Variants in PDE9A observed in about 807,000 individuals in gnomAD.
PDE9A encodes the protein high affinity cGMP-specific 3',5'-cyclic phosphodiesterase 9A.
Under a neutral mutation model 87.4 loss-of-function variants are expected in PDE9A, and 60 were observed. The ratio of observed to expected loss-of-function variants is 0.69; its 90% CI spans 0.56 to 0.85. The LOEUF is 0.85. PDE9A is among the 40% of genes least tolerant of loss of function. The pLI is 0.00. For synonymous variants in PDE9A, 272 were observed against 279.4 expected (o/e 0.97, Z 0.27); for missense variants, 665 against 779.0 (o/e 0.85, Z 1.74).
rs747515176 is a variant in PDE9A, at chr21:42,699,025, G to C, written c.262+14G>C. The C allele has an allele frequency of 6.3e-7, 1 of 1,594,798 alleles. No homozygotes were observed. The highest frequency in any genetic ancestry group is 2.2e-5 in the East Asian group (1 of 44,780). On this transcript the variant is annotated intron_variant, in intron 4 of 19. Coordinates refer to ENST00000291539, the MANE Select transcript of PDE9A (RefSeq NM_002606.3). Reference sequence around the variant, plus strand: ...AGCAACTCTCCGGTAAGGCCCTGCTGTCGTTTTTTAAACTAAAAGAAGGAA... The same window carrying C: ...AGCAACTCTCCGGTAAGGCCCTGCTCTCGTTTTTTAAACTAAAAGAAGGAA...
Position 42,760,390 on chromosome 21 carries a change from G to A in PDE9A, c.960G>A (p.Val320=), listed in dbSNP as rs2055582438. 4.3e-6 allele frequency: 7 copies of A among 1,609,342 alleles called. No individual in the cohort carries two copies. The highest frequency in any genetic ancestry group is 5.9e-6 in the Non-Finnish European group (7 of 1,179,362). ...ACAACTTCCGGCACTGCTTCTGCGT[G>A]GCCCAGATGATGTACAGCATGGTCT... ...PFHNFRHCFC[V]AQMMYSMVWL... is the part of the protein sequence containing the mutation. Residue 320 remains valine, a synonymous_variant, in exon 12 of 20, where the codon GTG becomes GTA. Coordinates refer to ENST00000291539, the MANE Select transcript of PDE9A (RefSeq NM_002606.3). This position sits in a 1 kb window ranked among gnomAD's most constrained non-coding sequence, Gnocchi z 5.2.
intron 15 of PDE9A, 50 bp downstream of exon 15, chr21:42,765,544 A>G: frequency 1.0e-6 from 1 of 976,636 alleles, no homozygotes; most frequent in Non-Finnish European, 1.7e-6. Context: ...GGGCTGGCGA[A>G]GCAGGTCATC....
chr21:42,752,441 G>GTATT (rs765874466), intron 9 of PDE9A, among the ~76,000 whole-genome samples: 2 of 151,996 alleles, frequency 1.3e-5, no homozygotes, highest in Non-Finnish European at 2.9e-5. Context: ...GCTAATTACT[G>GTATT]TATTTTTAGT....
rs748996110 is a variant in PDE9A at position 42,770,818 on chromosome 21, G to C, written c.1686+20G>C. ...AAAGAGGTAAAACACACTGAGAAGA[G>C]CCTGCCTTCCTTGCGGCAAGCAGGC... On this transcript the variant is annotated intron_variant, in intron 18 of 19. Coordinates refer to ENST00000291539, the MANE Select transcript of PDE9A (RefSeq NM_002606.3). 7 of 1,589,328 alleles carry C rather than the reference G, an allele frequency of 4.4e-6. No individual in the cohort carries two copies. The highest frequency in any genetic ancestry group is 6.0e-6 in the Non-Finnish European group (7 of 1,157,728).
At chr21:42,755,243 G>T (rs893983910) in intron 10 of PDE9A, among the ~76,000 whole-genome samples, 1 of 152,278 alleles carries the variant, frequency 6.6e-6, no homozygotes, top group Non-Finnish European at 1.5e-5. Context: ...GCAAAGGGCA[G>T]AAAGTGGGCT....
chr21:42,687,943 C>A lies in PDE9A; in HGVS notation c.167C>A (p.Thr56Asn). 6.2e-7 allele frequency: 1 copy of A among 1,613,190 alleles called. No homozygotes were observed. The highest frequency in any genetic ancestry group is 8.5e-7 in the Non-Finnish European group (1 of 1,179,994). ...AACACGACCATCTCCCTGCTGACCACCGACGACGCCATGGTCTCCATCGAC... is the reference window on the plus strand; with the variant it reads ...AACACGACCATCTCCCTGCTGACCAACGACGACGCCATGGTCTCCATCGAC... ...PRNTTISLLT[T>N]DDAMVSIDPT... is the part of the protein sequence containing the mutation. The change falls in exon 3 of 20, where the codon ACC (threonine) becomes AAC (asparagine). Residue 56 changes from threonine to asparagine, a missense_variant. Physicochemically the swap from Thr to Asn is moderately conservative, Grantham distance 65. Transcript: ENST00000291539.
chr21:42,679,207 T>C (rs1328934464), intron 1 of PDE9A, among the ~76,000 whole-genome samples: 1 of 152,150 alleles, frequency 6.6e-6, no homozygotes, highest in African/African-American at 2.4e-5. Flanking sequence ...TGGAAGAACC[T>C]TCCGGAATGC....
chr21:42,682,829 A>T (rs2059241745), intron 1 of PDE9A, among the ~76,000 whole-genome samples: 1 of 152,210 alleles, frequency 6.6e-6, no homozygotes. Flanking sequence ...CACGTCTCTC[A>T]GGCTTAGGCT....
intron 18 of PDE9A, among the ~76,000 whole-genome samples, chr21:42,771,733 C>T (rs1174112404): frequency 2.6e-5 from 4 of 152,242 alleles, no homozygotes; most frequent in Non-Finnish European, 5.9e-5. Flanking sequence ...CCTCGACTGA[C>T]GGCCCCGTGC....
intron 15 of PDE9A, among the ~76,000 whole-genome samples, chr21:42,767,048 G>A (rs1301850608): frequency 1.3e-5 from 2 of 151,976 alleles, no homozygotes; most frequent in African/African-American, 2.4e-5. Context: ...TTATCCCAAC[G>A]ACCTGCACCG....
At chr21:42,752,548 C>T (rs1265589650) in intron 9 of PDE9A, among the ~76,000 whole-genome samples, 1 of 152,172 alleles carries the variant, frequency 6.6e-6, no homozygotes, top group Non-Finnish European at 1.5e-5. Flanking sequence ...GGATTACAGG[C>T]GTAAGCCAGC....
rs1602522741 is a variant in PDE9A, at chr21:42,760,556, C to T, written c.1002+124C>T. 9.0e-6 allele frequency: 6 copies of T among 665,296 alleles called. No individual in the cohort carries two copies. The highest frequency in any genetic ancestry group is 1.3e-5 in the Non-Finnish European group (5 of 377,298). 41.2% of individuals were successfully genotyped at this position (665,296 alleles called of 1,614,324 possible). A position where few individuals can be genotyped will look rare whatever the true frequency, so the allele number is the denominator to read the frequency against. On this transcript the variant is annotated intron_variant, in intron 12 of 19. Transcript: ENST00000291539. The surrounding 1 kb of genome is among the most constrained non-coding windows in gnomAD (Gnocchi z 5.2). Reference sequence around the variant, plus strand: ...AGGCGTGGGGTCCCCAGCCGCTCCGCCCCTCCTAGGGACGCACCCCTGCCC... The same window carrying T: ...AGGCGTGGGGTCCCCAGCCGCTCCGTCCCTCCTAGGGACGCACCCCTGCCC...
chr21:42,693,541 C>G (rs538149232), intron 3 of PDE9A, among the ~76,000 whole-genome samples: 2 of 151,262 alleles, frequency 1.3e-5, no homozygotes, highest in Non-Finnish European at 2.9e-5. Context: ...CCACCTGCCT[C>G]GGCCCCCCAG....
chr21:42,667,529 A>G (rs2058090373), intron 1 of PDE9A, among the ~76,000 whole-genome samples: 1 of 152,080 alleles, frequency 6.6e-6, no homozygotes, highest in South Asian at 2.1e-4. Flanking sequence ...ACAAAGGAAG[A>G]GAGTGGTGAG....
chr21:42,730,745 T>C (rs2051646837), intron 4 of PDE9A, among the ~76,000 whole-genome samples: 1 of 152,364 alleles, frequency 6.6e-6, no homozygotes, highest in South Asian at 2.1e-4. Context: ...TTTCTCATCA[T>C]TTATTTAATG....
intron 7 of PDE9A, among the ~76,000 whole-genome samples, chr21:42,743,385 T>C (rs1032789377): frequency 6.6e-6 from 1 of 152,258 alleles, no homozygotes; most frequent in Non-Finnish European, 1.5e-5. Context: ...TGGCACCACA[T>C]GTGCCCCCTT....
Position 42,759,165 on chromosome 21 carries a change from C to T in PDE9A, c.897+80C>T, listed in dbSNP as rs998403141. Reference sequence around the variant, plus strand: ...CACAGGAATGGAGGGAATGGATCACCAGGGCACCTTCCGGATGGCACTGCG... The same window carrying T: ...CACAGGAATGGAGGGAATGGATCACTAGGGCACCTTCCGGATGGCACTGCG... On this transcript the variant is annotated intron_variant, in intron 11 of 19. Coordinates refer to ENST00000291539, the MANE Select transcript of PDE9A (RefSeq NM_002606.3). This position sits in a 1 kb window ranked among gnomAD's most constrained non-coding sequence, Gnocchi z 7.2. 2.6e-5 allele frequency: 27 copies of T among 1,035,786 alleles called. No homozygotes were observed. The highest frequency in any genetic ancestry group is 3.9e-5 in the Non-Finnish European group (26 of 665,348). 64.2% of individuals were successfully genotyped at this position (1,035,786 alleles called of 1,614,324 possible).
rs2056656502 is a variant in PDE9A, at chr21:42,769,008, T to C, written c.1462-19T>C. The C allele has an allele frequency of 6.3e-7, 1 of 1,598,766 alleles. No individual in the cohort carries two copies. The highest frequency in any genetic ancestry group is 1.7e-5 in the Admixed American group (1 of 58,672). On this transcript the variant is annotated intron_variant, in intron 16 of 19. Transcript: ENST00000291539. ...GGCATTTCTGTCTCTAATGTCACTG[T>C]CTGCTGCATTCCCTGCAGAGCGACC...
intron 9 of PDE9A, among the ~76,000 whole-genome samples, chr21:42,751,835 C>G (rs1023663508): frequency 2.0e-5 from 3 of 150,506 alleles, no homozygotes; most frequent in African/African-American, 7.3e-5. Context: ...CAACCTCTGC[C>G]TCCTGGGTTC....
Sources: allele counts gnomAD v4.1 joint callset (sites outside exome capture counted in the v4.1 genomes callset), GRCh38; gene constraint gnomAD v4.1.1; non-coding constraint Gnocchi (gnomAD v3.1); transcripts MANE v1.5; gene names NCBI Gene and HGNC (gene_info 2026-07-23, HGNC 2026-07-21).